The following WDR89 variants were observed in gnomAD, a reference collection of about 807,000 sequenced individuals.
WDR89 encodes the protein WD repeat-containing protein 89.
In WDR89, 17 loss-of-function variants were observed where a neutral mutation model predicts 29.1. The ratio of observed to expected loss-of-function variants is 0.58; its 90% CI spans 0.40 to 0.88. The LOEUF (loss-of-function observed/expected upper bound fraction) is 0.88. Among genes scored for constraint, WDR89 ranks in the 40% least tolerant of loss-of-function variants. The pLI is 0.00. For synonymous variants in WDR89, 138 were observed against 157.8 expected (o/e 0.87, Z 0.94); for missense variants, 396 against 456.3 (o/e 0.87, Z 1.20).
At chr14:63,636,824 A>G (rs560480004) in intron 1 of WDR89, among the ~76,000 whole-genome samples, 12 of 152,338 alleles carry the variant, frequency 7.9e-5, no homozygotes, top group Admixed American at 7.8e-4. Flanking sequence ...AGAAGACAAC[A>G]TTGGAAAAAC....
chr14:63,609,792 AAAAAT>A (rs1026032386), intron 2 of WDR89, among the ~76,000 whole-genome samples: 19 of 152,214 alleles, frequency 1.2e-4, no homozygotes, highest in African/African-American at 4.1e-4. Context: ...GTCTCAACAA[AAAAAT>A]AAAATAAAAT....
At chr14:63,630,619 G>C (rs937438530) in intron 1 of WDR89, 6 of 151,184 alleles carry the variant, frequency 4.0e-5, no homozygotes, top group Non-Finnish European at 5.9e-5. Flanking sequence ...CTCCAGCCTG[G>C]CCGACAGGGC....
intron 1 of WDR89, among the ~76,000 whole-genome samples, chr14:63,638,008 C>T (rs1595042792): frequency 1.3e-5 from 2 of 151,908 alleles, no homozygotes; most frequent in South Asian, 4.1e-4. Context: ...TGCAGTGGCA[C>T]GATCTTGGCT....
At chr14:63,612,750 A>G (rs1326184070) in intron 2 of WDR89, among the ~76,000 whole-genome samples, 2 of 152,166 alleles carry the variant, frequency 1.3e-5, no homozygotes, top group Non-Finnish European at 2.9e-5. Context: ...GGGAGTTGGT[A>G]GGCAACCTCA....
chr14:63,616,435 TAGTG>T lies in WDR89; in HGVS notation c.-32+8489_-32+8492del, dbSNP rs539739429. ...CAATAACTAATTATAATAATAAAAA[TAGTG>T]AGGAGTGTTATAAAAAATAACAACA... On this transcript the variant is annotated intron_variant, in intron 2 of 2. Transcript: ENST00000620954. Among the ~76,000 whole-genome samples the T allele has an allele frequency of 1.6e-3, 241 of 151,984 alleles. 1 individual carries two copies. Among genetic ancestry groups the T allele is most frequent in the African/African-American group, 5.6e-3 (233 of 41,432 alleles).
chr14:63,622,566 G>A (rs11845514), intron 2 of WDR89, among the ~76,000 whole-genome samples: 7,627 of 151,886 alleles, frequency 0.05, 301 homozygotes, highest in African/African-American at 0.11. Context: ...GGGCAACAGA[G>A]CGAGACTTCA....
At chr14:63,603,990 T>G (rs764603144) in intron 2 of WDR89, among the ~76,000 whole-genome samples, 22 of 152,222 alleles carry the variant, frequency 1.4e-4, no homozygotes, top group Non-Finnish European at 2.8e-4. Flanking sequence ...TTTCCCTGCA[T>G]GTCTGCATGA....
intron 1 of WDR89, among the ~76,000 whole-genome samples, chr14:63,626,002 C>T (rs1047600351): frequency 1.3e-5 from 2 of 151,982 alleles, no homozygotes; most frequent in Admixed American, 1.3e-4. Context: ...TACAGGCATG[C>T]ACTGCCACAC....
chr14:63,639,357 CAAAA>C (rs777712423), intron 1 of WDR89, among the ~76,000 whole-genome samples: 2 of 64,694 alleles, frequency 3.1e-5, no homozygotes, highest in South Asian at 5.0e-4. Flanking sequence ...TCATCTCTAC[CAAAA>C]AAAAAAAAAA....
Position 63,598,858 on chromosome 14 carries a change from C to T in WDR89, c.1085G>A (p.Ser362Asn), listed in dbSNP as rs1216745206. ...GTGCACAGAGGATGCTATTTTCATA[C>T]TCTCTTTCTTTGTAAAGGTCTTCTC... ...AIEKTFTKKE[S>N]MKIASSVHQR... The change falls in exon 3 of 3, where the codon AGT becomes AAT. Residue 362 changes from serine to asparagine, a missense_variant. Physicochemically the swap from Ser to Asn is conservative, Grantham distance 46. Transcript: ENST00000620954. The T allele has an allele frequency of 4.3e-6, 7 of 1,613,884 alleles. No homozygotes were observed. The highest frequency in any genetic ancestry group is 5.1e-6 in the Non-Finnish European group (6 of 1,179,942).
intron 1 of WDR89, among the ~76,000 whole-genome samples, chr14:63,638,758 C>T (rs1374720168): frequency 6.6e-6 from 1 of 152,206 alleles, no homozygotes; most frequent in African/African-American, 2.4e-5. Flanking sequence ...CAACCATTTA[C>T]TGTGAATTTG....
At chr14:63,614,047 A>C (rs1882156742) in intron 2 of WDR89, among the ~76,000 whole-genome samples, 1 of 152,058 alleles carries the variant, frequency 6.6e-6, no homozygotes, top group African/African-American at 2.4e-5. Context: ...ATATGCAGTA[A>C]ATCTAGTTTC....
At chr14:63,625,168 T>C (rs1882950449) in intron 1 of WDR89, 135 bp from the exon 2 acceptor site, 1 of 151,992 alleles carries the variant, frequency 6.6e-6, no homozygotes, top group Admixed American at 6.6e-5. Flanking sequence ...GGAATCTGAC[T>C]CTGCAAGAAA....
chr14:63,622,201 G>A (rs763618573), intron 2 of WDR89, among the ~76,000 whole-genome samples: 4 of 152,124 alleles, frequency 2.6e-5, no homozygotes, highest in Non-Finnish European at 2.9e-5. Context: ...TTGGAAGGCC[G>A]AGGTGGGTGG....
At position 63,597,537 on chromosome 14, in the gene WDR89, T is replaced by G. The variant is rs1894851435; in HGVS notation, c.*1242A>C. 6.6e-6 allele frequency: 1 copy of G among 152,208 alleles called. No individual in the cohort carries two copies. Among genetic ancestry groups the G allele is most frequent in the Non-Finnish European group, 1.5e-5 (1 of 68,044 alleles). The allele number at this position is 152,208 out of a possible 1,614,324, so 9.4% of individuals were successfully genotyped here. A position where few individuals can be genotyped will look rare whatever the true frequency, so the allele number is the denominator to read the frequency against. ...TCAGGAATATTTTCTCACCTACATC[T>G]TCCAACACTATTAATTACTTTTGAA... On this transcript the variant is annotated 3_prime_UTR_variant, in exon 3 of 3. Transcript: ENST00000620954.
At chr14:63,641,171 C>T (rs1257026572) in intron 1 of WDR89, 2 of 151,008 alleles carry the variant, frequency 1.3e-5, no homozygotes, top group African/African-American at 4.9e-5. Flanking sequence ...ACAAATTATA[C>T]CATCTTTTAA....
chr14:63,612,099 T>A (rs1882025558), intron 2 of WDR89, among the ~76,000 whole-genome samples: 1 of 152,074 alleles, frequency 6.6e-6, no homozygotes, highest in South Asian at 2.1e-4. Context: ...ACTAACACAC[T>A]AGGAATGTCC....
chr14:63,600,087 C>T, intron 2 of WDR89, 114 bp from the exon 3 acceptor site: 1 of 544,880 alleles, frequency 1.8e-6, no homozygotes, highest in Non-Finnish European at 3.0e-6. Flanking sequence ...ACATTTTCCT[C>T]TGAGGGCTGG....
At position 63,601,695 on chromosome 14, in the gene WDR89, C is replaced by T. The variant is rs533118844; in HGVS notation, c.-31-1722G>A. 4.4e-6 allele frequency: 7 copies of T among 1,581,542 alleles called. No homozygotes were observed. The Admixed American group carries it at 5.0e-5, about 11-fold the overall frequency. On this transcript the variant is annotated intron_variant, in intron 2 of 2. Transcript: ENST00000620954. ...AAAGGGTGGAGAGATTCAACCAGTTCGTGTGAAAGTTGGAGATAAAGTTCT... is the reference window on the plus strand; with the variant it reads ...AAAGGGTGGAGAGATTCAACCAGTTTGTGTGAAAGTTGGAGATAAAGTTCT...
Sources: gnomAD v4.1 joint callset for allele counts (sites outside exome capture counted in the v4.1 genomes callset) on GRCh38, gnomAD v4.1.1 for gene constraint, MANE v1.5 for transcripts, NCBI Gene and HGNC (gene_info 2026-07-23, HGNC 2026-07-21) for gene names.